ADGRG3: variants seen among roughly 807,000 people sequenced by gnomAD.
ADGRG3 encodes the protein adhesion G protein-coupled receptor G3.
ADGRG3 carries 39 observed loss-of-function variants against 54.3 expected under a neutral mutation model. That is an observed-to-expected ratio of 0.72 (90% CI 0.56 to 0.94). The LOEUF is 0.94. Ranked by LOEUF, ADGRG3 falls within the 40% of genes least tolerant of loss-of-function variation. The pLI, the probability that ADGRG3 is intolerant of heterozygous loss-of-function variation, is 0.00. For synonymous variants in ADGRG3, 312 were observed against 290.0 expected (o/e 1.08, Z -0.77); for missense variants, 654 against 694.6 (o/e 0.94, Z 0.66).
intron 4 of ADGRG3, chr16:57,678,845 A>T (rs1389279987): frequency 2.5e-6 from 1 of 399,504 alleles, no homozygotes; most frequent in Non-Finnish European, 4.6e-6. Flanking sequence ...CCTCAGGGGC[A>T]CGCTATCCTC....
In ADGRG3 at chr16:57,679,427, C is replaced by T. The variant is rs111334353; in HGVS notation, c.627+116C>T. On this transcript the variant is annotated intron_variant, in intron 5 of 11. Transcript: ENST00000333493. The stretch of plus-strand genomic sequence containing the variant: ...TATCTGTCCCCTACCCTTCCACAGT[C>T]GCCCAGGAGGAGCCATTAGGGCCAT... 2,531 of 1,185,856 alleles carry T rather than the reference C, an allele frequency of 2.1e-3. 47 individuals are homozygous for T. The African/African-American group carries it at 0.035, about 16-fold the overall frequency. 73.5% of individuals were successfully genotyped at this position (1,185,856 alleles called of 1,614,324 possible).
rs572771905 is a variant in ADGRG3, at chr16:57,673,226, C to G, written c.59-95C>G. 51 of 1,232,916 alleles carry G rather than the reference C, an allele frequency of 4.1e-5. No individual in the cohort carries two copies. The South Asian group carries it at 6.7e-4, about 16-fold the overall frequency. 76.4% of individuals were successfully genotyped at this position (1,232,916 alleles called of 1,614,324 possible). On this transcript the variant is annotated intron_variant, in intron 1 of 11. Coordinates refer to ENST00000333493, the MANE Select transcript of ADGRG3 (RefSeq NM_170776.5). ...CATGGAGCTGGAATTCTAGCCCAAC[C>G]ACCAGACTCTGGAGCCCCAGCTCCT...
At chr16:57,675,307 C>T (rs972515361) in intron 2 of ADGRG3, among the ~76,000 whole-genome samples, 4 of 151,662 alleles carry the variant, frequency 2.6e-5, no homozygotes, top group Non-Finnish European at 5.9e-5. Context: ...AGTGAGACAC[C>T]GACTCTACAA....
rs369955935 is a variant in ADGRG3, at chr16:57,669,224, G to A, written c.58+819G>A. 7.9e-5 allele frequency among the ~76,000 whole-genome samples: 12 copies of A among 152,252 alleles called. No homozygotes were observed. The East Asian group carries it at 1.5e-3, about 19-fold the overall frequency. On this transcript the variant is annotated intron_variant, in intron 1 of 11. Transcript: ENST00000333493. ...TCCTGACTCGGTGAGGGGCCTGCAT[G>A]TCCATCTCCCTGTGTGTCCAGCGTG...
upstream of ADGRG3, among the ~76,000 whole-genome samples, chr16:57,667,377 G>A (rs564834566): frequency 1.6e-3 from 250 of 152,364 alleles, 2 homozygotes; most frequent in South Asian, 0.023. Context: ...GCATCCGTGG[G>A]GCCTCCAGAG....
At chr16:57,667,988 C>G (rs578045931), upstream of ADGRG3, among the ~76,000 whole-genome samples, 3 of 152,212 alleles carry the variant, frequency 2.0e-5, no homozygotes, top group Non-Finnish European at 2.9e-5. Flanking sequence ...CGCCTGACTC[C>G]AAAGCCTGTG....
chr16:57,689,187 CTG>C lies in ADGRG3; in HGVS notation c.*727_*728del, dbSNP rs1224872068. 1 of 153,708 alleles carries C rather than the reference CTG, an allele frequency of 6.5e-6. No individual in the cohort carries two copies. Among genetic ancestry groups the C allele is most frequent in the African/African-American group, 2.4e-5 (1 of 41,462 alleles). 9.5% of individuals were successfully genotyped at this position (153,708 alleles called of 1,614,324 possible). A position where few individuals can be genotyped will look rare whatever the true frequency, so the allele number is the denominator to read the frequency against. Reference sequence around the variant, plus strand: ...ATCGTAGAGGTAGAAAGCAAACAATCTGGGGCTCAGCACACCTGGGGGTGCTC... The same window carrying C: ...ATCGTAGAGGTAGAAAGCAAACAATCGGGCTCAGCACACCTGGGGGTGCTC... On this transcript the variant is annotated 3_prime_UTR_variant, in exon 12 of 12. Transcript: ENST00000333493.
At chr16:57,674,382 C>T (rs1001678744) in intron 2 of ADGRG3, among the ~76,000 whole-genome samples, 5 of 152,188 alleles carry the variant, frequency 3.3e-5, no homozygotes, top group African/African-American at 1.2e-4. Flanking sequence ...ATATCTCTGC[C>T]TCTCTTTCCT....
At chr16:57,671,045 C>T (rs1270096888) in intron 1 of ADGRG3, among the ~76,000 whole-genome samples, 2 of 152,088 alleles carry the variant, frequency 1.3e-5, no homozygotes, top group East Asian at 1.9e-4. Flanking sequence ...CCACTTCCCA[C>T]CCTCAAAGGG....
intron 1 of ADGRG3, 43 bp from the exon 2 acceptor site, chr16:57,673,278 A>C: frequency 6.3e-7 from 1 of 1,579,250 alleles, no homozygotes; most frequent in Non-Finnish European, 8.7e-7. Context: ...CTTGCTGCCC[A>C]TCTTCGTCCA....
At position 57,673,466 on chromosome 16, in the gene ADGRG3, G is replaced by T. The variant is rs1376259092; in HGVS notation, c.204G>T (p.Gln68His). The T allele has an allele frequency of 6.3e-7, 1 of 1,598,714 alleles. No homozygotes were observed. The highest frequency in any genetic ancestry group is 1.3e-5 in the African/African-American group (1 of 74,690). Residue 68 changes from glutamine to histidine, a missense_variant and splice_region_variant, in exon 2 of 12, where the codon CAG becomes CAT. Gln to His is a conservative substitution (Grantham distance 24). Transcript: ENST00000333493. Reference protein sequence around the residue: ...GSDSCNVENLQRYWLNYEAHL... With the variant: ...GSDSCNVENLHRYWLNYEAHL... ...ACTCCTGCAATGTGGAAAACTTGCA[G>T]AGGTGAGGGGGCCCCCTGAGCTGGA...
chr16:57,667,792 C>T (rs2048083070), upstream of ADGRG3, among the ~76,000 whole-genome samples: 1 of 152,220 alleles, frequency 6.6e-6, no homozygotes, highest in Admixed American at 6.5e-5. Context: ...CTGGTTCAAG[C>T]CATAGGCACC....
intron 1 of ADGRG3, among the ~76,000 whole-genome samples, chr16:57,672,521 C>T (rs568670921): frequency 2.8e-4 from 43 of 152,260 alleles, no homozygotes; most frequent in African/African-American, 8.9e-4. Flanking sequence ...ATCTCTAATC[C>T]TTCCCAAAAC....
At chr16:57,686,028 A>G in intron 11 of ADGRG3, 102 bp downstream of exon 11, 1 of 1,191,696 alleles carries the variant, frequency 8.4e-7, no homozygotes, top group Non-Finnish European at 1.2e-6. Context: ...GACTCTGTTC[A>G]GGCTAGCTGA....
At chr16:57,667,627 T>C (rs946691362), upstream of ADGRG3, among the ~76,000 whole-genome samples, 1 of 152,172 alleles carries the variant, frequency 6.6e-6, no homozygotes, top group Non-Finnish European at 1.5e-5. Context: ...GGCCAGGAAG[T>C]GGCCAGGATG....
At position 57,684,048 on chromosome 16, in the gene ADGRG3, G is replaced by C. The variant is rs2048425317; in HGVS notation, c.998G>C (p.Gly333Ala). ...FLVNVGSGSK[G>A]SDAACWARGA... ...GTCAATGTGGGGAGTGGCTCAAAGG[G>C]GTCTGATGCTGCCTGCTGGGCCCGG... Residue 333 changes from glycine (G) to alanine (A), a missense_variant, in exon 9 of 12, where the codon GGG becomes GCG. Gly to Ala is a moderately conservative substitution (Grantham distance 60). Coordinates refer to ENST00000333493, the MANE Select transcript of ADGRG3 (RefSeq NM_170776.5). The C allele has an allele frequency of 5.6e-6, 9 of 1,613,894 alleles. No individual in the cohort carries two copies. The highest frequency in any genetic ancestry group is 7.6e-6 in the Non-Finnish European group (9 of 1,179,942).
intron 3 of ADGRG3, 76 bp downstream of exon 3, chr16:57,676,414 G>A (rs2048265179): frequency 2.2e-6 from 3 of 1,395,062 alleles, no homozygotes; most frequent in African/African-American, 1.4e-5. Flanking sequence ...CTCTAAGAGA[G>A]TTATATCCTG....
rs78464854 is a variant in ADGRG3 at position 57,684,492 on chromosome 16, C to T, written c.1256+9C>T. ...CGCACCTCTCTGGAGCTGTGAGTGG[C>T]GGCTGTGGGAGCAGGGGTGATGCCA... On this transcript the variant is annotated intron_variant, in intron 10 of 11. Coordinates refer to ENST00000333493, the MANE Select transcript of ADGRG3 (RefSeq NM_170776.5). 7,075 of 1,604,814 alleles carry T rather than the reference C, an allele frequency of 4.4e-3. 137 individuals are homozygous for T. The African/African-American group carries it at 0.053, about 12-fold the overall frequency.
intron 2 of ADGRG3, 125 bp from the exon 3 acceptor site, chr16:57,676,075 C>T (rs2048257305): frequency 3.5e-6 from 3 of 845,998 alleles, no homozygotes; most frequent in Non-Finnish European, 5.6e-6. Flanking sequence ...ACTTTTCTTC[C>T]TCCTGTCCTG....
Sources: gnomAD v4.1 joint callset for allele counts (sites outside exome capture counted in the v4.1 genomes callset) on GRCh38, gnomAD v4.1.1 for gene constraint, MANE v1.5 for transcripts, NCBI Gene and HGNC (gene_info 2026-07-23, HGNC 2026-07-21) for gene names.